The following CNTNAP2 variants were observed in gnomAD, a reference collection of about 807,000 sequenced individuals.
The protein encoded by CNTNAP2 is contactin-associated protein-like 2.
A neutral mutation model predicts 155.2 loss-of-function variants in CNTNAP2; 98 were observed. That is an observed-to-expected ratio of 0.63 (90% CI 0.54 to 0.75). CNTNAP2 has a LOEUF of 0.75. CNTNAP2 is among the 30% of genes least tolerant of loss of function. The probability of loss-of-function intolerance (pLI) is 0.00; values close to 1 mark genes in which losing one functional copy is unlikely to be tolerated. For missense variants in CNTNAP2, 1,727 were observed against 1,688.1 expected, an observed-to-expected ratio of 1.02 and a Z score of -0.40; for synonymous variants, 651 against 631.2, an observed-to-expected ratio of 1.03 and a Z score of -0.47.
At chr7:146,450,601 A>G (rs1027973321) in intron 1 of CNTNAP2, among the ~76,000 whole-genome samples, 4 of 152,222 alleles carry the variant, frequency 2.6e-5, no homozygotes, top group African/African-American at 9.7e-5. Context: ...AAACGAAGCC[A>G]CATGTTGTCT....
chr7:146,835,579 A>C (rs913529308), intron 2 of CNTNAP2, among the ~76,000 whole-genome samples: 6 of 152,160 alleles, frequency 3.9e-5, no homozygotes, highest in Admixed American at 3.9e-4. Flanking sequence ...AAGGAATATT[A>C]TATATTAACA....
At chr7:146,713,882 G>A (rs1801141252) in intron 1 of CNTNAP2, among the ~76,000 whole-genome samples, 1 of 151,990 alleles carries the variant, frequency 6.6e-6, no homozygotes, top group African/African-American at 2.4e-5. Context: ...CCTATCCACA[G>A]AGCTAATACC....
At chr7:147,176,932 A>G (rs1020333568) in intron 8 of CNTNAP2, among the ~76,000 whole-genome samples, 57 of 127,350 alleles carry the variant, frequency 4.5e-4, no homozygotes, top group African/African-American at 1.9e-3. Flanking sequence ...AATATAATAT[A>G]TAATAGAATT....
At chr7:146,173,335 T>G (rs1798422184) in intron 1 of CNTNAP2, among the ~76,000 whole-genome samples, 1 of 152,150 alleles carries the variant, frequency 6.6e-6, no homozygotes, top group African/African-American at 2.4e-5. Context: ...GTATCTTGTT[T>G]TAATTTTCTC....
intron 12 of CNTNAP2, among the ~76,000 whole-genome samples, chr7:147,580,906 G>A (rs1418755787): frequency 6.6e-6 from 1 of 152,140 alleles, no homozygotes; most frequent in African/African-American, 2.4e-5. Flanking sequence ...GTGAGCCAGT[G>A]CGCTCAGCCC....
At chr7:147,631,358 C>A (rs541099966) in intron 12 of CNTNAP2, among the ~76,000 whole-genome samples, 1 of 152,076 alleles carries the variant, frequency 6.6e-6, no homozygotes, top group Non-Finnish European at 1.5e-5. Flanking sequence ...GGAAACACAA[C>A]CCAATGCTCA....
intron 1 of CNTNAP2, among the ~76,000 whole-genome samples, chr7:146,489,018 A>G (rs1444504910): frequency 1.3e-5 from 2 of 152,206 alleles, no homozygotes; most frequent in Non-Finnish European, 2.9e-5. Flanking sequence ...ACAGCTGTGC[A>G]CTGGCACAGC....
At chr7:147,374,047 C>G (rs1394169839) in intron 9 of CNTNAP2, among the ~76,000 whole-genome samples, 2 of 151,880 alleles carry the variant, frequency 1.3e-5, no homozygotes, top group Admixed American at 1.3e-4. Context: ...GAATAGAAAG[C>G]CATACGGACA....
At chr7:147,978,033 T>A in intron 15 of CNTNAP2, 44 bp downstream of exon 15, 1 of 1,611,720 alleles carries the variant, frequency 6.2e-7, no homozygotes, top group Non-Finnish European at 8.5e-7. Flanking sequence ...CTTATCCCAT[T>A]TAAATATTGT....
In CNTNAP2 at chr7:148,388,773, CTGT is replaced by C. The variant is rs1204381711; in HGVS notation, c.3715+4888_3715+4890del. On this transcript the variant is annotated intron_variant, in intron 22 of 23. Transcript: ENST00000361727. ...ACAGACAGGACCCTCAGCTGCAGGT[CTGT>C]TGGAGTTTGCTAGAGGTCCACTCCA... Among the ~76,000 whole-genome samples the C allele has an allele frequency of 2.6e-5, 4 of 152,282 alleles. No individual in the cohort carries two copies. The East Asian group carries it at 7.7e-4, about 29-fold the overall frequency.
At chr7:146,846,346 AACAC>A (rs1445913885) in intron 3 of CNTNAP2, among the ~76,000 whole-genome samples, 1 of 119,728 alleles carries the variant, frequency 8.4e-6, no homozygotes. Context: ...GCATCAAACA[AACAC>A]TTTCTAAAAT....
At chr7:146,297,540 A>G (rs1177753659) in intron 1 of CNTNAP2, among the ~76,000 whole-genome samples, 1 of 152,126 alleles carries the variant, frequency 6.6e-6, no homozygotes, top group Admixed American at 6.6e-5. Context: ...AAGGCATGTA[A>G]AGCATACAAA....
intron 11 of CNTNAP2, among the ~76,000 whole-genome samples, chr7:147,546,027 C>T (rs1799723774): frequency 6.6e-6 from 1 of 152,168 alleles, no homozygotes; most frequent in African/African-American, 2.4e-5. Flanking sequence ...GAAGCCTCCC[C>T]AGCCATGTGG....
chr7:147,738,004 C>T (rs182176157), intron 13 of CNTNAP2, among the ~76,000 whole-genome samples: 182 of 152,326 alleles, frequency 1.2e-3, no homozygotes, highest in African/African-American at 3.9e-3. Flanking sequence ...GGCTCATGCT[C>T]GGTGCCCTGC....
intron 21 of CNTNAP2, among the ~76,000 whole-genome samples, chr7:148,326,130 C>A (rs377153986): frequency 1.7e-3 from 225 of 131,472 alleles, no homozygotes; most frequent in African/African-American, 5.8e-3. Flanking sequence ...TGGACCTATG[C>A]AAACAGGTTT....
chr7:146,721,725 AATAC>A (rs1801326818), intron 1 of CNTNAP2, among the ~76,000 whole-genome samples: 2 of 116,276 alleles, frequency 1.7e-5, no homozygotes, highest in Admixed American at 8.7e-5. Context: ...ATATATTCTA[AATAC>A]ATTATATATT....
chr7:147,607,392 C>T (rs1584850959), intron 12 of CNTNAP2, among the ~76,000 whole-genome samples: 2 of 143,132 alleles, frequency 1.4e-5, no homozygotes, highest in Non-Finnish European at 3.1e-5. Context: ...CTTTCTCTTT[C>T]TCTCTGTCTC....
chr7:146,934,722 C>T (rs1156936784), intron 3 of CNTNAP2, among the ~76,000 whole-genome samples: 1 of 152,100 alleles, frequency 6.6e-6, no homozygotes, highest in Non-Finnish European at 1.5e-5. Context: ...CAATGGCAGA[C>T]ATTATTTTCA....
chr7:146,307,569 A>G (rs1800737729), intron 1 of CNTNAP2, among the ~76,000 whole-genome samples: 1 of 152,150 alleles, frequency 6.6e-6, no homozygotes. Flanking sequence ...ACACTACCTG[A>G]CTTCAAACTA....
Sources: gnomAD v4.1 joint callset for allele counts (sites outside exome capture counted in the v4.1 genomes callset) on GRCh38, gnomAD v4.1.1 for gene constraint, MANE v1.5 for transcripts, NCBI Gene and HGNC (gene_info 2026-07-23, HGNC 2026-07-21) for gene names.